The following NBAS variants were observed in gnomAD, a reference collection of about 807,000 sequenced individuals.
NBAS encodes NBAS subunit of NRZ tethering complex, also known as NAG/BC035112 fusion.
NBAS carries 219 observed loss-of-function variants against 302.5 expected under a neutral mutation model. That is an observed-to-expected ratio of 0.72 (90% CI 0.65 to 0.81). The LOEUF (loss-of-function observed/expected upper bound fraction) is 0.81, where lower values mean the gene tolerates loss of function less well. Among genes scored for constraint, NBAS ranks in the 30% least tolerant of loss-of-function variants. The probability of loss-of-function intolerance (pLI) is 0.00; values close to 1 mark genes in which losing one functional copy is unlikely to be tolerated. For missense variants in NBAS, 2,932 were observed against 2,841.6 expected (o/e 1.03, Z -0.72); for synonymous variants, 1,118 against 1,021.6 (o/e 1.09, Z -1.80).
chr2:15,141,559 C>A, the NBAS span, among the ~76,000 whole-genome samples: 1 of 152,312 alleles, frequency 6.6e-6, no homozygotes, highest in Non-Finnish European at 1.5e-5. Context: ...TACAATTAAC[C>A]CCTAAACTGA....
the NBAS span, among the ~76,000 whole-genome samples, chr2:15,042,613 G>A: frequency 6.6e-6 from 1 of 152,154 alleles, no homozygotes; most frequent in South Asian, 2.1e-4. Context: ...CATATTCCCT[G>A]TGTGTTCTCA....
At chr2:15,262,425 T>A (rs1200004168) in intron 44 of NBAS, among the ~76,000 whole-genome samples, 1 of 152,204 alleles carries the variant, frequency 6.6e-6, no homozygotes, top group African/African-American at 2.4e-5. Flanking sequence ...GTCTTCTTAC[T>A]TGTGTCTAAA....
intron 48 of NBAS, among the ~76,000 whole-genome samples, chr2:15,211,193 T>C (rs1355301920): frequency 6.6e-6 from 1 of 152,160 alleles, no homozygotes; most frequent in Non-Finnish European, 1.5e-5. Context: ...CTTGATGTGA[T>C]TTTTATGCAC....
At chr2:15,482,158 T>C (rs1028571018) in intron 12 of NBAS, among the ~76,000 whole-genome samples, 1 of 152,162 alleles carries the variant, frequency 6.6e-6, no homozygotes, top group Admixed American at 6.5e-5. Context: ...TTAGACAAGG[T>C]TTCTCTCTGT....
At chr2:15,176,458 GAC>G (rs71400639) in intron 51 of NBAS, among the ~76,000 whole-genome samples, 4,530 of 149,024 alleles carry the variant, frequency 0.03, 223 homozygotes, top group African/African-American at 0.1. Flanking sequence ...GTCACATGGA[GAC>G]ACACACACAC....
At chr2:15,509,309 G>A (rs755000164) in intron 10 of NBAS, among the ~76,000 whole-genome samples, 3 of 152,080 alleles carry the variant, frequency 2.0e-5, no homozygotes, top group Non-Finnish European at 4.4e-5. Flanking sequence ...CTCCTTATTT[G>A]TGAAATGTGG....
chr2:14,808,657 T>A, the NBAS span, among the ~76,000 whole-genome samples: 3 of 152,190 alleles, frequency 2.0e-5, no homozygotes, highest in Non-Finnish European at 2.9e-5. Context: ...TATGTCTCTA[T>A]CAGCAGCATG....
chr2:14,862,953 A>G, the NBAS span, among the ~76,000 whole-genome samples: 37 of 152,344 alleles, frequency 2.4e-4, no homozygotes, highest in Non-Finnish European at 3.8e-4. Context: ...AAAGAAAGCT[A>G]TGGAGAAAGC....
chr2:15,092,422 T>C, the NBAS span, among the ~76,000 whole-genome samples: 1 of 152,180 alleles, frequency 6.6e-6, no homozygotes. Flanking sequence ...ACAAGGAGTA[T>C]TGGACCTGAA....
the NBAS span, among the ~76,000 whole-genome samples, chr2:15,113,052 A>G: frequency 6.6e-6 from 1 of 152,148 alleles, no homozygotes; most frequent in African/African-American, 2.4e-5. Flanking sequence ...AGAAGAGCAT[A>G]TGCAATTTAA....
At chr2:15,525,543 T>A (rs527464651) in intron 9 of NBAS, among the ~76,000 whole-genome samples, 28 of 152,222 alleles carry the variant, frequency 1.8e-4, no homozygotes, top group Non-Finnish European at 4.0e-4. Context: ...GTGGCACAAC[T>A]CTATACATTT....
At chr2:14,944,308 CAAAAAACA>C in the NBAS span, among the ~76,000 whole-genome samples, 25,444 of 151,008 alleles carry the variant, frequency 0.17, 2,220 homozygotes, top group South Asian at 0.18. Context: ...CGTCTCAAAA[CAAAAAACA>C]AAAAAACAAA....
intron 48 of NBAS, among the ~76,000 whole-genome samples, chr2:15,214,030 C>T (rs1425699389): frequency 6.6e-6 from 1 of 152,134 alleles, no homozygotes; most frequent in South Asian, 2.1e-4. Flanking sequence ...AAGCACCAGG[C>T]CACTCTATAA....
At chr2:14,787,150 T>C in the NBAS span, among the ~76,000 whole-genome samples, 11,374 of 151,916 alleles carry the variant, frequency 0.075, 518 homozygotes, top group African/African-American at 0.13. Context: ...CAACCCCTGC[T>C]TTTTTTTGTT....
chr2:15,316,422 G>C (rs1671513483), intron 38 of NBAS, among the ~76,000 whole-genome samples: 1 of 152,226 alleles, frequency 6.6e-6, no homozygotes. Context: ...GCGGGGTGTT[G>C]CCTCACACAG....
the NBAS span, among the ~76,000 whole-genome samples, chr2:14,878,186 A>C: frequency 6.6e-6 from 1 of 152,178 alleles, no homozygotes; most frequent in East Asian, 1.9e-4. Context: ...CACTCCTGGC[A>C]CCAACTGGCA....
chr2:15,099,160 A>C, the NBAS span, among the ~76,000 whole-genome samples: 1 of 151,978 alleles, frequency 6.6e-6, no homozygotes, highest in African/African-American at 2.4e-5. Flanking sequence ...AAAATTAGCC[A>C]GGCATGATGG....
At chr2:14,887,532 C>T in the NBAS span, among the ~76,000 whole-genome samples, 3 of 152,198 alleles carry the variant, frequency 2.0e-5, no homozygotes, top group South Asian at 6.2e-4. Flanking sequence ...TGTCCTTTGC[C>T]GTATCACAGC....
chr2:15,180,042 T>C (rs1239162187), intron 50 of NBAS: 1 of 152,228 alleles, frequency 6.6e-6, no homozygotes, highest in African/African-American at 2.4e-5. Flanking sequence ...AAAGAACTGA[T>C]GATCATTGCT....
Sources: gnomAD v4.1 joint callset for allele counts (sites outside exome capture counted in the v4.1 genomes callset) on GRCh38, gnomAD v4.1.1 for gene constraint, MANE v1.5 for transcripts, NCBI Gene and HGNC (gene_info 2026-07-23, HGNC 2026-07-21) for gene names.